Variants in SMAP2 observed in about 807,000 individuals in gnomAD.
SMAP2 encodes stromal membrane-associated protein 2.
A neutral mutation model predicts 56.4 loss-of-function variants in SMAP2; 25 were observed. The ratio of observed to expected loss-of-function variants is 0.44; its 90% CI spans 0.32 to 0.62. SMAP2 has a LOEUF of 0.62. Among genes scored for constraint, SMAP2 ranks in the 20% least tolerant of loss-of-function variants. SMAP2 has a pLI of 0.04. For synonymous variants in SMAP2, 157 were observed against 181.7 expected (o/e 0.86, Z 1.09); for missense variants, 388 against 545.6 (o/e 0.71, Z 2.88).
At chr1:40,354,766 A>ATTT (rs1557821399) in intron 1 of SMAP2, among the ~76,000 whole-genome samples, 10 of 58,266 alleles carry the variant, frequency 1.7e-4, no homozygotes, top group East Asian at 6.9e-4. Flanking sequence ...CAAAACATTG[A>ATTT]ATTTTTTTTT....
intron 1 of SMAP2, among the ~76,000 whole-genome samples, chr1:40,345,888 G>GTATTGTATTATATTATATTA (rs1553187229): frequency 1.2e-4 from 15 of 120,116 alleles, no homozygotes; most frequent in Admixed American, 6.1e-4. Flanking sequence ...ATATTGTATT[G>GTATTGTATTATATTATATTA]TATTATATTA....
At position 40,374,677 on chromosome 1, in the gene SMAP2, G is replaced by A. The variant is rs529598412; in HGVS notation, c.103+454G>A. On this transcript the variant is annotated intron_variant, in intron 1 of 9. Coordinates refer to ENST00000372718, the MANE Select transcript of SMAP2 (RefSeq NM_022733.3). The surrounding 1 kb of genome is among the most constrained non-coding windows in gnomAD (Gnocchi z 5.9). ...AGGAGGAGGAGGGAAGTGAGATGGC[G>A]GAAAGGAAAACTGCTTAAATGATTT... 603 of 1,550,020 alleles carry A rather than the reference G, an allele frequency of 3.9e-4. 13 individuals carry two copies. The South Asian group carries it at 6.6e-3, about 17-fold the overall frequency.
intron 1 of SMAP2, among the ~76,000 whole-genome samples, chr1:40,345,898 A>ATATTC: frequency 7.3e-6 from 1 of 136,206 alleles, no homozygotes; most frequent in Non-Finnish European, 1.6e-5. Context: ...GTATTATATT[A>ATATTC]TATTATATTA....
At chr1:40,403,653 A>G (rs1408439213) in intron 1 of SMAP2, 1 of 984,650 alleles carries the variant, frequency 1.0e-6, no homozygotes, top group Admixed American at 6.1e-5. Flanking sequence ...CCTTATATAT[A>G]GTCCTCAGTT....
chr1:40,356,817 C>T (rs1162228843), intron 1 of SMAP2, among the ~76,000 whole-genome samples: 1 of 152,176 alleles, frequency 6.6e-6, no homozygotes, highest in Non-Finnish European at 1.5e-5. Context: ...CACATCCTCT[C>T]TAGTGTTCGT....
rs1645051891 is a variant in SMAP2 at position 40,422,372 on chromosome 1, C to CT, written c.*273dup. 4 of 411,012 alleles carry CT rather than the reference C, an allele frequency of 9.7e-6. No homozygotes were observed. Among genetic ancestry groups the CT allele is most frequent in the African/African-American group, 8.1e-5 (4 of 49,370 alleles). The allele number at this position is 411,012 out of a possible 1,614,324, so 25.5% of individuals were successfully genotyped here. Reference sequence around the variant, plus strand: ...CCTTAGAAGTTGTTGGCAGAAGGCACTTAAACTGTGGGAGAAGTGTGCACA... The same window carrying CT: ...CCTTAGAAGTTGTTGGCAGAAGGCACTTTAAACTGTGGGAGAAGTGTGCACA... On this transcript the variant is annotated 3_prime_UTR_variant, in exon 10 of 10. Coordinates refer to ENST00000372718, the MANE Select transcript of SMAP2 (RefSeq NM_022733.3).
At chr1:40,410,781 T>C (rs963301616) in intron 4 of SMAP2, among the ~76,000 whole-genome samples, 3 of 152,174 alleles carry the variant, frequency 2.0e-5, no homozygotes, top group Admixed American at 2.0e-4. Flanking sequence ...GAGGAAAATA[T>C]GCCTAACTAA....
intron 1 of SMAP2, among the ~76,000 whole-genome samples, chr1:40,394,007 T>C (rs1486408943): frequency 6.6e-6 from 1 of 152,186 alleles, no homozygotes. Context: ...AGCAAGGAAA[T>C]CTATCTTCTC....
Position 40,386,587 on chromosome 1 carries a change from T to C in SMAP2, c.103+12364T>C, listed in dbSNP as rs894402278. Among the ~76,000 whole-genome samples the C allele has an allele frequency of 6.6e-6, 1 of 152,010 alleles. No individual in the cohort carries two copies. Among genetic ancestry groups the C allele is most frequent in the Admixed American group, 6.5e-5 (1 of 15,270 alleles). The stretch of plus-strand genomic sequence containing the variant: ...GTCCATATTACGGGCAGAGTAAAAA[T>C]AGGTCCCAGTTTCATTAGACTTCTC... On this transcript the variant is annotated intron_variant, in intron 1 of 9. Coordinates refer to ENST00000372718, the MANE Select transcript of SMAP2 (RefSeq NM_022733.3). This position sits in a 1 kb window ranked among gnomAD's most constrained non-coding sequence, Gnocchi z 4.1.
chr1:40,391,286 A>G (rs183868937), intron 1 of SMAP2, among the ~76,000 whole-genome samples: 1 of 152,220 alleles, frequency 6.6e-6, no homozygotes, highest in Non-Finnish European at 1.5e-5. Context: ...TTAATCAGTA[A>G]GCATGCATTA....
chr1:40,414,081 C>T, intron 5 of SMAP2, 78 bp from the exon 6 acceptor site: 1 of 1,286,076 alleles, frequency 7.8e-7, no homozygotes. Context: ...CACAAGAACA[C>T]CGTGGCTTTA....
At position 40,414,219 on chromosome 1, in the gene SMAP2, G is replaced by A. The variant is rs1242193074; in HGVS notation, c.550G>A (p.Val184Ile). 2.5e-6 allele frequency: 4 copies of A among 1,614,062 alleles called. No individual in the cohort carries two copies. The African/African-American group carries it at 4.0e-5, about 16-fold the overall frequency. ...RKSSPKSTAP[V>I]MDLLGLDAPV... ...AAGCTCCCCGAAATCCACAGCGCCT[G>A]TCATGGATTTGTTGGGCCTTGGTAA... Residue 184 changes from valine to isoleucine, a missense_variant, in exon 6 of 10, where the codon GTC becomes ATC. Transcript: ENST00000372718.
intron 1 of SMAP2, among the ~76,000 whole-genome samples, chr1:40,350,560 TTGTC>T (rs1384828986): frequency 6.6e-6 from 1 of 152,158 alleles, no homozygotes; most frequent in African/African-American, 2.4e-5. Flanking sequence ...AAAACTGAAT[TTGTC>T]TGGTGATTTG....
At chr1:40,376,434 G>A (rs78754850) in intron 1 of SMAP2, among the ~76,000 whole-genome samples, 40 of 152,098 alleles carry the variant, frequency 2.6e-4, no homozygotes, top group African/African-American at 9.6e-4. Context: ...GTGGCTTCAG[G>A]GACTTGGTCA....
rs376532161 is a variant in SMAP2 at position 40,357,323 on chromosome 1, C to T, written c.-82-4977C>T. On this transcript the variant is annotated intron_variant, in intron 1 of 6. Coordinates refer to the SMAP2 transcript ENST00000435168. ...TACAAATATTAGCCAGGCATGGTGA[C>T]GTGTGCCTGTAGTCCTAGCTACTCA... Among the ~76,000 whole-genome samples the T allele has an allele frequency of 4.6e-5, 7 of 152,182 alleles. No homozygotes were observed. The East Asian group carries it at 7.7e-4, about 17-fold the overall frequency.
At chr1:40,379,280 G>A (rs1452734480) in intron 1 of SMAP2, among the ~76,000 whole-genome samples, 1 of 151,994 alleles carries the variant, frequency 6.6e-6, no homozygotes, top group Admixed American at 6.6e-5. Context: ...CCCATTGTCG[G>A]CAATTTCTTA....
intron 1 of SMAP2, among the ~76,000 whole-genome samples, chr1:40,356,788 A>G (rs1053607282): frequency 6.6e-6 from 1 of 152,206 alleles, no homozygotes; most frequent in Non-Finnish European, 1.5e-5. Flanking sequence ...ACAACAGTGT[A>G]CGAGGGTTCC....
chr1:40,348,146 A>T (rs2124152357), intron 1 of SMAP2, among the ~76,000 whole-genome samples: 1 of 152,260 alleles, frequency 6.6e-6, no homozygotes, highest in African/African-American at 2.4e-5. Context: ...AAGAAAAATA[A>T]TTTTTTAAAA....
At chr1:40,389,330 C>T (rs923683082) in intron 1 of SMAP2, among the ~76,000 whole-genome samples, 5 of 152,012 alleles carry the variant, frequency 3.3e-5, no homozygotes, top group Non-Finnish European at 7.4e-5. Context: ...GAAGAAGGGC[C>T]CTCAGACTGG....
Sources: allele counts gnomAD v4.1 joint callset (sites outside exome capture counted in the v4.1 genomes callset), GRCh38; gene constraint gnomAD v4.1.1; non-coding constraint Gnocchi (gnomAD v3.1); transcripts MANE v1.5; gene names NCBI Gene and HGNC (gene_info 2026-07-23, HGNC 2026-07-21).